The following CTDSP1 variants were observed in gnomAD, a reference collection of about 807,000 sequenced individuals.
The protein encoded by CTDSP1 is carboxy-terminal domain RNA polymerase II polypeptide A small phosphatase 1.
In CTDSP1, 15 loss-of-function variants were observed where a neutral mutation model predicts 32.5. The observed-to-expected ratio is 0.46, with a 90% CI of 0.31 to 0.71. The LOEUF is 0.71. Ranked by LOEUF, CTDSP1 falls within the 30% of genes least tolerant of loss-of-function variation. The probability of loss-of-function intolerance (pLI) is 0.05; values close to 1 mark genes in which losing one functional copy is unlikely to be tolerated. For synonymous variants in CTDSP1, 185 were observed against 145.4 expected (o/e 1.27, Z -1.96); for missense variants, 294 against 351.1 (o/e 0.84, Z 1.30).
rs760869785 is a variant in CTDSP1, at chr2:218,404,246, C to A, written c.658-51C>A. On this transcript the variant is annotated intron_variant, in intron 6 of 6. Coordinates refer to ENST00000273062, the MANE Select transcript of CTDSP1 (RefSeq NM_021198.3). ...GCTACATAGGGCTGGCCTGGAAATT[C>A]TGCACCCAGGACCACCTGCCCCCCT... 10 of 1,596,188 alleles carry A rather than the reference C, an allele frequency of 6.3e-6. No individual in the cohort carries two copies. The South Asian group carries it at 1.1e-4, about 18-fold the overall frequency.
At chr2:218,399,857 G>T, upstream of CTDSP1, 1 of 1,238,698 alleles carries the variant, frequency 8.1e-7, no homozygotes, top group East Asian at 3.3e-5. Flanking sequence ...CGGCGCCTGG[G>T]TTCCATGTTT....
chr2:218,404,623 C>T lies in CTDSP1; in HGVS notation c.*198C>T. 1.7e-6 allele frequency: 1 copy of T among 600,146 alleles called. No individual in the cohort carries two copies. The highest frequency in any genetic ancestry group is 3.3e-5 in the Admixed American group (1 of 30,714). 37.2% of individuals were successfully genotyped at this position (600,146 alleles called of 1,614,324 possible). A position where few individuals can be genotyped will look rare whatever the true frequency, so the allele number is the denominator to read the frequency against. The stretch of plus-strand genomic sequence containing the variant: ...GCACTGAGGACCGTGAGCTCCAGGC[C>T]CCGTGTCAGTGCCTTCAAACCTCCT... On this transcript the variant is annotated 3_prime_UTR_variant, in exon 7 of 7. Transcript: ENST00000273062.
In CTDSP1 at chr2:218,404,305, G is replaced by A. The variant is rs1448159366; in HGVS notation, c.666G>A (p.Val222=). The A allele has an allele frequency of 2.5e-6, 4 of 1,613,924 alleles. No individual in the cohort carries two copies. In the African/African-American group the frequency reaches 5.3e-5, roughly 22 times the overall value. Residue 222 remains valine, a synonymous_variant, in exon 7 of 7, where the codon GTG becomes GTA. Coordinates refer to ENST00000273062, the MANE Select transcript of CTDSP1 (RefSeq NM_021198.3). ...YVFHPDNAVP[V]ASWFDNMSDT... is the part of the protein sequence containing the mutation. ...TACACCCACTTCCCCAGGTACCGGTGGCCTCGTGGTTTGACAACATGAGTG... is the reference window on the plus strand; with the variant it reads ...TACACCCACTTCCCCAGGTACCGGTAGCCTCGTGGTTTGACAACATGAGTG...
chr2:218,399,782 G>A, upstream of CTDSP1: 6 of 1,077,986 alleles, frequency 5.6e-6, no homozygotes, highest in Non-Finnish European at 6.7e-6. Flanking sequence ...CCCAGAAGTG[G>A]CGAAAGCCGC....
At chr2:218,398,246 C>T (rs1696924082), upstream of CTDSP1, 1 of 652,646 alleles carries the variant, frequency 1.5e-6, no homozygotes. Context: ...TTTGCCCTTG[C>T]CGGTAGACCC....
Position 218,400,024 on chromosome 2 carries a change from G to A in CTDSP1, c.-67G>A. On this transcript the variant is annotated 5_prime_UTR_variant, in exon 1 of 7. Coordinates refer to ENST00000273062, the MANE Select transcript of CTDSP1 (RefSeq NM_021198.3). Reference sequence around the variant, plus strand: ...CCCTCCCCCCCGCGCCCCGATTCCGGCCCCAGCCGGGGGGGAGGCCGGGCG... The same window carrying A: ...CCCTCCCCCCCGCGCCCCGATTCCGACCCCAGCCGGGGGGGAGGCCGGGCG... 7.9e-7 allele frequency: 1 copy of A among 1,264,416 alleles called. No individual in the cohort carries two copies. Among genetic ancestry groups the A allele is most frequent in the Non-Finnish European group, 1.0e-6 (1 of 992,226 alleles). 78.3% of individuals were successfully genotyped at this position (1,264,416 alleles called of 1,614,324 possible). A position where few individuals can be genotyped will look rare whatever the true frequency, so the allele number is the denominator to read the frequency against.
chr2:218,403,512 G>A, intron 6 of CTDSP1, 95 bp downstream of exon 6: 1 of 1,194,774 alleles, frequency 8.4e-7, no homozygotes, highest in Non-Finnish European at 1.2e-6. Context: ...TCCCCAGTTG[G>A]GGGGTGGGTG....
chr2:218,403,426 G>A lies in CTDSP1; in HGVS notation c.657+9G>A, dbSNP rs770180405. The A allele has an allele frequency of 1.7e-5, 27 of 1,575,832 alleles. No homozygotes were observed. The highest frequency in any genetic ancestry group is 4.0e-5 in the African/African-American group (3 of 74,386). ...TCCATCCAGACAATGCTGTGAGTGC[G>A]GGCTGGACTGGGACTGGGACAGGAG... On this transcript the variant is annotated intron_variant, in intron 6 of 6. Transcript: ENST00000273062.
intron 6 of CTDSP1, 72 bp downstream of exon 6, chr2:218,403,489 T>C: frequency 1.4e-6 from 2 of 1,387,310 alleles, no homozygotes; most frequent in South Asian, 1.4e-5. Flanking sequence ...TCAGGCCACC[T>C]TGGCCTCTTG....
upstream of CTDSP1, chr2:218,398,300 T>C (rs1368130488): frequency 3.1e-6 from 3 of 958,124 alleles, no homozygotes; most frequent in Non-Finnish European, 4.7e-6. Context: ...TCCTCATCTG[T>C]GAAATGGGTT....
At chr2:218,398,669 A>C (rs1010419753), upstream of CTDSP1, 36 of 349,228 alleles carry the variant, frequency 1.0e-4, no homozygotes, top group Non-Finnish European at 1.7e-4. Context: ...CGGACGGGAC[A>C]GGACGCGCCC....
Position 218,400,089 on chromosome 2 carries a change from C to G in CTDSP1, c.-2C>G. 1 of 1,525,522 alleles carries G rather than the reference C, an allele frequency of 6.6e-7. No homozygotes were observed. Among genetic ancestry groups the G allele is most frequent in the Non-Finnish European group, 8.8e-7 (1 of 1,136,990 alleles). 94.5% of individuals were successfully genotyped at this position (1,525,522 alleles called of 1,614,324 possible). A position where few individuals can be genotyped will look rare whatever the true frequency, so the allele number is the denominator to read the frequency against. On this transcript the variant is annotated 5_prime_UTR_variant, in exon 1 of 7. Transcript: ENST00000273062. ...CGGCCGGAGCGGAGCGCGCCCGGCC[C>G]CATGGACAGCTCGGCCGTCATTACT...
upstream of CTDSP1, chr2:218,398,365 G>A (rs1425244886): frequency 2.0e-5 from 31 of 1,514,606 alleles, no homozygotes; most frequent in Admixed American, 4.1e-4. Flanking sequence ...GCCAGAGCAG[G>A]CCTAGGAAAA....
In CTDSP1 at chr2:218,401,193, C is replaced by A. The variant is rs570975789; in HGVS notation, c.68-371C>A. On this transcript the variant is annotated intron_variant, in intron 1 of 6. Coordinates refer to ENST00000273062, the MANE Select transcript of CTDSP1 (RefSeq NM_021198.3). The stretch of plus-strand genomic sequence containing the variant: ...GACTGCCCTGGGTCCCAGGCCCTGG[C>A]TGTCCTGAGCAGGGGTGCTCAGGTA... The A allele has an allele frequency of 2.7e-5, 10 of 370,174 alleles. No homozygotes were observed. The East Asian group carries it at 6.9e-4, about 26-fold the overall frequency. 22.9% of individuals were successfully genotyped at this position (370,174 alleles called of 1,614,324 possible). A position where few individuals can be genotyped will look rare whatever the true frequency, so the allele number is the denominator to read the frequency against.
Position 218,402,176 on chromosome 2 carries a change from C to A in CTDSP1, c.282C>A (p.Val94=). 2 of 1,613,742 alleles carry A rather than the reference C, an allele frequency of 1.2e-6. No homozygotes were observed. Among genetic ancestry groups the A allele is most frequent in the South Asian group, 2.2e-5 (2 of 91,042 alleles). The part of the protein sequence containing the change: ...KAQDSDKICV[V]IDLDETLVHS... ...AGGACTCAGACAAGATCTGCGTGGT[C>A]ATCGACCTGGACGAGACCCTGGTGC... Residue 94 remains valine (V), a synonymous_variant, in exon 3 of 7, where the codon GTC becomes GTA. Coordinates refer to ENST00000273062, the MANE Select transcript of CTDSP1 (RefSeq NM_021198.3).
upstream of CTDSP1, among the ~76,000 whole-genome samples, chr2:218,397,955 A>T (rs894299312): frequency 6.6e-6 from 1 of 152,100 alleles, no homozygotes; most frequent in Non-Finnish European, 1.5e-5. Flanking sequence ...GGGGTGGAGG[A>T]GGTGGGGGAT....
At chr2:218,398,817 C>T (rs148136197), upstream of CTDSP1, 2,261 of 175,928 alleles carry the variant, frequency 0.013, 24 homozygotes, top group Admixed American at 0.02. Context: ...ACTTCATAAA[C>T]GAGGAAAAAG....
At chr2:218,403,453 T>G (rs1574800738) in intron 6 of CTDSP1, 36 bp downstream of exon 6, 8 of 1,535,896 alleles carry the variant, frequency 5.2e-6, no homozygotes, top group Non-Finnish European at 7.0e-6. Context: ...GGACAGGAGC[T>G]GAGACCCAGG....
In CTDSP1 at chr2:218,404,654, A is replaced by G. The variant is rs1332073704; in HGVS notation, c.*229A>G. 2.0e-6 allele frequency: 1 copy of G among 495,752 alleles called. No individual in the cohort carries two copies. Among genetic ancestry groups the G allele is most frequent in the Non-Finnish European group, 3.5e-6 (1 of 282,176 alleles). The allele number at this position is 495,752 out of a possible 1,614,324, so 30.7% of individuals were successfully genotyped here. On this transcript the variant is annotated 3_prime_UTR_variant, in exon 7 of 7. Transcript: ENST00000273062. ...TCAGTGCCTTCAAACCTCCTCCCCT[A>G]TTCTCAGGGGACCTGGGGGGCCCTG... is the stretch of plus-strand genomic sequence containing the variant.
Sources: allele counts gnomAD v4.1 joint callset (sites outside exome capture counted in the v4.1 genomes callset), GRCh38; gene constraint gnomAD v4.1.1; transcripts MANE v1.5; gene names NCBI Gene and HGNC (gene_info 2026-07-23, HGNC 2026-07-21).